Variants in SPARC observed in about 807,000 individuals in gnomAD.
SPARC encodes the protein secreted protein acidic and cysteine rich.
A neutral mutation model predicts 37.7 loss-of-function variants in SPARC; 23 were observed. That is an observed-to-expected ratio of 0.61 (90% CI 0.44 to 0.87). The LOEUF is 0.87. SPARC is among the 40% of genes least tolerant of loss of function. SPARC has a pLI of 0.00. For missense variants in SPARC, 312 were observed against 389.0 expected (o/e 0.80, Z 1.66); for synonymous variants, 155 against 150.8 (o/e 1.03, Z -0.20).
At chr5:151,684,727 C>T (rs769764129) in intron 1 of SPARC, among the ~76,000 whole-genome samples, 10 of 152,048 alleles carry the variant, frequency 6.6e-5, no homozygotes, top group African/African-American at 9.7e-5. Flanking sequence ...CTTCCCTGTG[C>T]ATTATCCCAT....
rs3033198 is a variant in SPARC at position 151,685,422 on chromosome 5, T to TCACACACACACACA, written c.-14+1429_-14+1442dup. ...CTCTCTCTCTCTCTCCCTCTCTCTC[T>TCACACACACACACA]CACACACACACACACACACACACAC... On this transcript the variant is annotated intron_variant, in intron 1 of 9. Coordinates refer to ENST00000231061, the MANE Select transcript of SPARC (RefSeq NM_003118.4). Among the ~76,000 whole-genome samples the TCACACACACACACA allele has an allele frequency of 3.4e-3, 478 of 140,514 alleles. 3 individuals carry two copies. Among genetic ancestry groups the TCACACACACACACA allele is most frequent in the African/African-American group, 0.011 (417 of 37,250 alleles). The allele number at this position is 140,514 out of a possible 152,430, so 92.2% of individuals were successfully genotyped here.
chr5:151,666,908 C>T (rs1760636140), intron 7 of SPARC, among the ~76,000 whole-genome samples: 1 of 152,178 alleles, frequency 6.6e-6, no homozygotes, highest in South Asian at 2.1e-4. Flanking sequence ...CCTGCAGTCC[C>T]AGCTACTCAG....
chr5:151,675,518 T>C (rs904244780), intron 2 of SPARC, among the ~76,000 whole-genome samples: 8 of 152,216 alleles, frequency 5.3e-5, no homozygotes, highest in African/African-American at 1.9e-4. Context: ...AAAAACCTTC[T>C]TGGCACATTC....
chr5:151,664,235 C>A lies in SPARC; in HGVS notation c.735G>T (p.Gly245=). Residue 245 remains glycine, a splice_region_variant and synonymous_variant, in exon 9 of 10, where the codon GGG becomes GGT. Coordinates refer to ENST00000231061, the MANE Select transcript of SPARC (RefSeq NM_003118.4). ...FGQLDQHPID[G]YLSHTELAPL... Reference sequence around the variant, plus strand: ...GAGCCAGCTCGGTGTGGGAGAGGTACCTGCAGGGAAGGAGGCAGGGGAGGG... The same window carrying A: ...GAGCCAGCTCGGTGTGGGAGAGGTAACTGCAGGGAAGGAGGCAGGGGAGGG... The A allele has an allele frequency of 6.2e-7, 1 of 1,613,502 alleles. No individual in the cohort carries two copies. The highest frequency in any genetic ancestry group is 8.5e-7 in the Non-Finnish European group (1 of 1,179,854).
At chr5:151,673,947 C>CAAGCATCT (rs1760799406) in intron 3 of SPARC, among the ~76,000 whole-genome samples, 1 of 151,098 alleles carries the variant, frequency 6.6e-6, no homozygotes, top group African/African-American at 2.4e-5. Flanking sequence ...CAGCCACACC[C>CAAGCATCT]AAGCATCTCC....
intron 8 of SPARC, 139 bp from the exon 9 acceptor site, chr5:151,664,374 G>C: frequency 1.3e-6 from 1 of 750,352 alleles, no homozygotes; most frequent in Non-Finnish European, 2.2e-6. Context: ...AGAATCCCAG[G>C]TCTACCCCTA....
intron 3 of SPARC, among the ~76,000 whole-genome samples, chr5:151,673,856 C>T (rs1760797948): frequency 1.3e-5 from 2 of 152,156 alleles, no homozygotes; most frequent in South Asian, 2.1e-4. Context: ...GTCACAGGCA[C>T]ATTCTTAACC....
intron 1 of SPARC, among the ~76,000 whole-genome samples, chr5:151,681,708 A>C (rs949130577): frequency 4.6e-5 from 7 of 152,198 alleles, no homozygotes; most frequent in African/African-American, 1.4e-4. Flanking sequence ...CCTGGCCAAC[A>C]TGATGAAACC....
At chr5:151,673,268 C>T (rs752087043) in intron 3 of SPARC, 52 bp from the exon 4 acceptor site, 85 of 1,265,062 alleles carry the variant, frequency 6.7e-5, no homozygotes, top group Non-Finnish European at 8.9e-5. Flanking sequence ...CATCCCAGAC[C>T]CATAAGGGTA....
At chr5:151,671,966 G>C (rs546538856) in intron 4 of SPARC, 27 of 428,650 alleles carry the variant, frequency 6.3e-5, no homozygotes, top group African/African-American at 5.6e-4. Context: ...AGAAACACTA[G>C]ATACCATATG....
chr5:151,681,842 A>C (rs1434214315), intron 1 of SPARC, among the ~76,000 whole-genome samples: 1 of 152,224 alleles, frequency 6.6e-6, no homozygotes, highest in Non-Finnish European at 1.5e-5. Flanking sequence ...GCAGTGAGCC[A>C]AGATTGTGCC....
intron 4 of SPARC, 145 bp from the exon 5 acceptor site, chr5:151,671,839 G>T: frequency 2.0e-6 from 2 of 983,460 alleles, no homozygotes; most frequent in East Asian, 2.9e-5. Flanking sequence ...GCCTGCTCTT[G>T]CACTGAGCCT....
intron 1 of SPARC, among the ~76,000 whole-genome samples, chr5:151,684,001 T>C (rs188913445): frequency 6.6e-6 from 1 of 152,344 alleles, no homozygotes; most frequent in East Asian, 1.9e-4. Flanking sequence ...TATTCTACTG[T>C]TTACCTCACA....
Position 151,669,764 on chromosome 5 carries a change from CTTG to C in SPARC, c.348_350del (p.Asn116del), listed in dbSNP as rs1264011132. ...AGAAGTGGCAGGAAGAGTCGAAGGT[CTTG>C]TTGTCATTGCTGCACACCTGTTGGC... is the stretch of plus-strand genomic sequence containing the variant. On this transcript the variant is annotated inframe_deletion, in exon 6 of 10. Transcript: ENST00000231061. 6.2e-7 allele frequency: 1 copy of C among 1,614,078 alleles called. No homozygotes were observed. The highest frequency in any genetic ancestry group is 8.5e-7 in the Non-Finnish European group (1 of 1,180,044).
At chr5:151,675,368 A>G (rs772386124) in intron 2 of SPARC, among the ~76,000 whole-genome samples, 1 of 152,082 alleles carries the variant, frequency 6.6e-6, no homozygotes, top group South Asian at 2.1e-4. Flanking sequence ...CTTCCAGATG[A>G]GCTGTGGATA....
At chr5:151,684,470 C>T (rs1214617805) in intron 1 of SPARC, among the ~76,000 whole-genome samples, 1 of 148,584 alleles carries the variant, frequency 6.7e-6, no homozygotes, top group Admixed American at 6.8e-5. Context: ...GAGGGCACAA[C>T]AGTCTTGGGA....
In SPARC at chr5:151,663,274, G is replaced by A; in HGVS notation, c.*297C>T. The A allele has an allele frequency of 2.5e-6, 1 of 405,984 alleles. No homozygotes were observed. The highest frequency in any genetic ancestry group is 4.4e-6 in the Non-Finnish European group (1 of 224,806). 25.1% of individuals were successfully genotyped at this position (405,984 alleles called of 1,614,324 possible). ...AGCTGCAATGTGTGTTTAAGGCAGAGCCCAGCAGATCCGTGTCCACCCATG... is the reference window on the plus strand; with the variant it reads ...AGCTGCAATGTGTGTTTAAGGCAGAACCCAGCAGATCCGTGTCCACCCATG... On this transcript the variant is annotated 3_prime_UTR_variant, in exon 10 of 10. Coordinates refer to ENST00000231061, the MANE Select transcript of SPARC (RefSeq NM_003118.4).
At chr5:151,672,267 C>T (rs983428097) in intron 4 of SPARC, among the ~76,000 whole-genome samples, 3 of 152,172 alleles carry the variant, frequency 2.0e-5, no homozygotes, top group African/African-American at 4.8e-5. Context: ...TCAACAGAAA[C>T]CCTGTGCCCA....
At position 151,666,418 on chromosome 5, in the gene SPARC, A is replaced by G. The variant is rs749460808; in HGVS notation, c.677T>C (p.Met226Thr). Reference sequence around the variant, plus strand: ...CTGCCAGTGTACAGGGAAGATGTACATGTTATAGTTCTTCTCGAAGTCCCG... The same window carrying G: ...CTGCCAGTGTACAGGGAAGATGTACGTGTTATAGTTCTTCTCGAAGTCCCG... ...LARDFEKNYN[M>T]YIFPVHWQFG... is the part of the protein sequence containing the mutation. Residue 226 changes from methionine (M) to threonine (T), a missense_variant, in exon 8 of 10, where the codon ATG (methionine) becomes ACG (threonine). Met to Thr is a moderately conservative substitution (Grantham distance 81). Transcript: ENST00000231061. 4 of 1,614,192 alleles carry G rather than the reference A, an allele frequency of 2.5e-6. No individual in the cohort carries two copies. Among genetic ancestry groups the G allele is most frequent in the Non-Finnish European group, 3.4e-6 (4 of 1,180,028 alleles).
Sources: gnomAD v4.1 joint callset for allele counts (sites outside exome capture counted in the v4.1 genomes callset) on GRCh38, gnomAD v4.1.1 for gene constraint, MANE v1.5 for transcripts, NCBI Gene and HGNC (gene_info 2026-07-23, HGNC 2026-07-21) for gene names.